The following EML1 variants were observed in gnomAD, a reference collection of about 807,000 sequenced individuals.
The protein encoded by EML1 is EMAP like 1.
A neutral mutation model predicts 110.4 loss-of-function variants in EML1; 27 were observed. The ratio of observed to expected loss-of-function variants is 0.24; its 90% CI spans 0.18 to 0.34. The LOEUF is 0.34. Among genes scored for constraint, EML1 ranks in the 10% least tolerant of loss-of-function variants. The probability of loss-of-function intolerance (pLI) is 1.00; values close to 1 mark genes in which losing one functional copy is unlikely to be tolerated. For synonymous variants in EML1, 344 were observed against 385.8 expected (o/e 0.89, Z 1.27); for missense variants, 741 against 1,030.9 (o/e 0.72, Z 3.85).
chr14:99,905,928 GC>G lies in EML1; in HGVS notation c.1009-1702del, dbSNP rs922119223. ...AATCCCATCCTTTGCCCAGGTGTGT[GC>G]CCCCCCCTTACCCAAAATCAGCCAT... On this transcript the variant is annotated intron_variant, in intron 9 of 21. Coordinates refer to ENST00000262233, the MANE Select transcript of EML1 (RefSeq NM_004434.3). The surrounding 1 kb of genome is among the most constrained non-coding windows in gnomAD (Gnocchi z 4.1). Among the ~76,000 whole-genome samples, 31 of 151,168 alleles carry G rather than the reference GC, an allele frequency of 2.1e-4. No individual in the cohort carries two copies. The highest frequency in any genetic ancestry group is 1.5e-3 in the Admixed American group (23 of 15,228).
rs144335802 is a variant in EML1 at position 99,939,878 on chromosome 14, G to A, written c.2323-109G>A. On this transcript the variant is annotated intron_variant, in intron 21 of 21. Transcript: ENST00000262233. The surrounding 1 kb of genome is among the most constrained non-coding windows in gnomAD (Gnocchi z 4.2). ...GGTTCCCAAGTGAGAGCTGCCGAGC[G>A]GAGGGCGAGTAAAGGAATTAAGGCA... is the stretch of plus-strand genomic sequence containing the variant. 8.6e-4 allele frequency: 1,164 copies of A among 1,352,304 alleles called. 12 individuals are homozygous for A. In the East Asian group the frequency reaches 0.021, roughly 25 times the overall value. The allele number at this position is 1,352,304 out of a possible 1,614,324, so 83.8% of individuals were successfully genotyped here.
intron 4 of EML1, 54 bp downstream of exon 4, chr14:99,878,673 G>C (rs78798905): frequency 6.4e-6 from 10 of 1,563,700 alleles, no homozygotes; most frequent in Non-Finnish European, 8.6e-6. Flanking sequence ...AGTACGGCTT[G>C]TCCCCAGAGA....
chr14:99,902,596 T>G (rs1036271449), intron 9 of EML1, among the ~76,000 whole-genome samples: 1 of 152,272 alleles, frequency 6.6e-6, no homozygotes, highest in Non-Finnish European at 1.5e-5. Context: ...TATACTTGGC[T>G]TGATTATTTG....
intron 11 of EML1, among the ~76,000 whole-genome samples, chr14:99,909,808 C>T (rs2059916564): frequency 6.6e-6 from 1 of 152,154 alleles, no homozygotes; most frequent in African/African-American, 2.4e-5. Context: ...TGCCTTTTGT[C>T]TGGACGTTGT....
chr14:99,891,485 G>A (rs573119531), intron 5 of EML1, among the ~76,000 whole-genome samples: 197 of 152,344 alleles, frequency 1.3e-3, no homozygotes, highest in African/African-American at 4.4e-3. Context: ...GTAAGGAGGA[G>A]AGTGGAATGC....
intron 17 of EML1, among the ~76,000 whole-genome samples, chr14:99,934,192 T>A (rs772971452): frequency 3.9e-5 from 6 of 152,262 alleles, no homozygotes; most frequent in Non-Finnish European, 7.3e-5. Context: ...TCGTCACTGT[T>A]GCTGTCCAGG....
intron 1 of EML1, among the ~76,000 whole-genome samples, chr14:99,836,836 G>A (rs2058548866): frequency 6.6e-6 from 1 of 152,128 alleles, no homozygotes; most frequent in Non-Finnish European, 1.5e-5. Context: ...TCTTAAGTTT[G>A]TTAGGGGGAC....
chr14:99,865,179 A>T (rs1023476370), intron 2 of EML1, among the ~76,000 whole-genome samples: 10 of 152,232 alleles, frequency 6.6e-5, no homozygotes, highest in African/African-American at 2.4e-4. Context: ...CTGCAACCAG[A>T]TAGTCCCATC....
chr14:99,779,275 A>T (rs1459433974), intron 1 of EML1, among the ~76,000 whole-genome samples: 2 of 152,018 alleles, frequency 1.3e-5, no homozygotes, highest in Admixed American at 1.3e-4. Context: ...ATCAGTAGAC[A>T]TTGCTGTGGG....
Position 99,784,143 on chromosome 14 carries a change from T to C in EML1, c.-27+10130T>C, listed in dbSNP as rs374647417. ...TCTTGCTCTGTCGCCCAGGCTGGAG[T>C]GCAGTGGCACGATCACGGCTCACTG... On this transcript the variant is annotated intron_variant, in intron 1 of 22. Transcript: ENST00000327921. This position sits in a 1 kb window ranked among gnomAD's most constrained non-coding sequence, Gnocchi z 4.5. Among the ~76,000 whole-genome samples, 5 of 152,156 alleles carry C rather than the reference T, an allele frequency of 3.3e-5. No individual in the cohort carries two copies. The South Asian group carries it at 8.3e-4, about 25-fold the overall frequency.
chr14:99,839,985 G>A (rs948638105), intron 1 of EML1, among the ~76,000 whole-genome samples: 15 of 152,202 alleles, frequency 9.9e-5, no homozygotes, highest in African/African-American at 2.6e-4. Flanking sequence ...ATCCAGGCCC[G>A]CAAGTGGCAG....
chr14:99,746,159 T>C (rs1166172818), intron 1 of EML1, among the ~76,000 whole-genome samples: 1 of 152,172 alleles, frequency 6.6e-6, no homozygotes, highest in Admixed American at 6.6e-5. Context: ...AATGGAGATT[T>C]AGAGAAATGG....
At chr14:99,779,896 A>T (rs1279071339) in intron 1 of EML1, among the ~76,000 whole-genome samples, 2 of 152,188 alleles carry the variant, frequency 1.3e-5, no homozygotes, top group African/African-American at 4.8e-5. Context: ...CGGGGGAGGA[A>T]TCTATCTGCT....
At chr14:99,766,151 C>T (rs1354938404) in intron 1 of EML1, among the ~76,000 whole-genome samples, 1 of 146,358 alleles carries the variant, frequency 6.8e-6, no homozygotes, top group Non-Finnish European at 1.5e-5. Context: ...TGGGGGTAGA[C>T]TCAGAAGTGC....
intron 13 of EML1, 53 bp from the exon 14 acceptor site, chr14:99,914,126 A>G: frequency 6.3e-7 from 1 of 1,580,912 alleles, no homozygotes; most frequent in Non-Finnish European, 8.6e-7. Flanking sequence ...TGACTGAGCT[A>G]ACAACTGAAT....
rs553832128 is a variant in EML1 at position 99,820,865 on chromosome 14, G to A, written c.67+27322G>A. 9.2e-5 allele frequency among the ~76,000 whole-genome samples: 14 copies of A among 152,124 alleles called. No homozygotes were observed. The South Asian group carries it at 1.2e-3, about 14-fold the overall frequency. ...GTGGTGGGAAGGTGCACGGAGGCCC[G>A]GTGGCAGATTTCAGCTGAGATTTTT... On this transcript the variant is annotated intron_variant, in intron 1 of 21. Transcript: ENST00000262233.
In EML1 at chr14:99,846,435, A is replaced by G. The variant is rs553611853; in HGVS notation, c.68-4418A>G. On this transcript the variant is annotated intron_variant, in intron 1 of 21. Coordinates refer to ENST00000262233, the MANE Select transcript of EML1 (RefSeq NM_004434.3). Reference sequence around the variant, plus strand: ...GTAGCTGGGACTACAGGTGTGTACCACCATGCCCAGCTAATTTTTGTATTT... The same window carrying G: ...GTAGCTGGGACTACAGGTGTGTACCGCCATGCCCAGCTAATTTTTGTATTT... Among the ~76,000 whole-genome samples the G allele has an allele frequency of 4.6e-5, 7 of 152,012 alleles. No individual in the cohort carries two copies. The South Asian group carries it at 6.2e-4, about 14-fold the overall frequency.
Position 99,865,637 on chromosome 14 carries a change from C to T in EML1, c.374C>T (p.Ala125Val), listed in dbSNP as rs751958406. The change falls in exon 3 of 22, where the codon GCA becomes GTA. Residue 125 changes from alanine (A) to valine (V), a missense_variant. Physicochemically the swap from Ala to Val is moderately conservative, Grantham distance 64. Transcript: ENST00000262233. ...GTCAGGAAAGAAACTGCTGTGCCAG[C>T]AACCAAAAGGTGAGCCAGAAGCAGG... The part of the protein sequence containing the change: ...SGVRKETAVP[A>V]TKSNIKRTSS... 2 of 1,614,064 alleles carry T rather than the reference C, an allele frequency of 1.2e-6. No homozygotes were observed. Among genetic ancestry groups the T allele is most frequent in the Middle Eastern group, 1.7e-4 (1 of 6,056 alleles).
intron 1 of EML1, among the ~76,000 whole-genome samples, chr14:99,843,587 A>G (rs2139810655): frequency 6.6e-6 from 1 of 152,344 alleles, no homozygotes; most frequent in African/African-American, 2.4e-5. Context: ...AGGCAGATAG[A>G]GATTAAGTAG....
Sources: gnomAD v4.1 joint callset for allele counts (sites outside exome capture counted in the v4.1 genomes callset) on GRCh38, gnomAD v4.1.1 for gene constraint, Gnocchi (gnomAD v3.1) non-coding constraint, MANE v1.5 for transcripts, NCBI Gene and HGNC (gene_info 2026-07-23, HGNC 2026-07-21) for gene names.